The following NRXN3 variants were observed in gnomAD, a reference collection of about 807,000 sequenced individuals.
NRXN3 encodes neurexin 3, also known as neurexin III.
In NRXN3, 32 loss-of-function variants were observed where a neutral mutation model predicts 137.6. That is an observed-to-expected ratio of 0.23 (90% confidence interval 0.18 to 0.31). The LOEUF (loss-of-function observed/expected upper bound fraction) is 0.31. Among genes scored for constraint, NRXN3 ranks in the 10% least tolerant of loss-of-function variants. The pLI is 1.00. For synonymous variants in NRXN3, 798 were observed against 784.5 expected (o/e 1.02, Z -0.29); for missense variants, 1,574 against 2,062.5 (o/e 0.76, Z 4.59).
chr14:79,234,224 C>T (rs1179855091), intron 15 of NRXN3, among the ~76,000 whole-genome samples: 5 of 145,178 alleles, frequency 3.4e-5, no homozygotes, highest in South Asian at 4.4e-4. Flanking sequence ...TCCCAAAATA[C>T]ATTCCCTTAA....
chr14:79,082,690 T>C (rs1242421437), intron 15 of NRXN3, among the ~76,000 whole-genome samples: 1 of 152,128 alleles, frequency 6.6e-6, no homozygotes, highest in Non-Finnish European at 1.5e-5. Context: ...ATGAGTTCTT[T>C]TTCCACCTTA....
intron 10 of NRXN3, among the ~76,000 whole-genome samples, chr14:78,920,731 A>G (rs1481860247): frequency 6.6e-6 from 1 of 152,186 alleles, no homozygotes; most frequent in African/African-American, 2.4e-5. Flanking sequence ...ATAATTCAGT[A>G]GAGCCACTCA....
intron 4 of NRXN3, among the ~76,000 whole-genome samples, chr14:78,307,356 T>C (rs931996791): frequency 6.6e-6 from 1 of 152,142 alleles, no homozygotes; most frequent in African/African-American, 2.4e-5. Context: ...ACCGTTTATT[T>C]TTAATAAATA....
intron 5 of NRXN3, among the ~76,000 whole-genome samples, chr14:78,647,852 A>C: frequency 6.6e-6 from 1 of 152,234 alleles, no homozygotes; most frequent in Non-Finnish European, 1.5e-5. Context: ...GATACATTTG[A>C]ATGGTGGGAT....
chr14:79,362,157 T>C (rs2093707966), intron 15 of NRXN3, among the ~76,000 whole-genome samples: 1 of 151,324 alleles, frequency 6.6e-6, no homozygotes, highest in Admixed American at 6.6e-5. Context: ...TATTTATTTA[T>C]TTTTTATTAT....
chr14:79,749,990 A>G (rs1379022271), intron 19 of NRXN3, among the ~76,000 whole-genome samples: 1 of 152,186 alleles, frequency 6.6e-6, no homozygotes, highest in Admixed American at 6.6e-5. Context: ...ACTGTCAAGA[A>G]TCACTTGCTT....
At chr14:78,410,287 A>G (rs561995083) in intron 4 of NRXN3, among the ~76,000 whole-genome samples, 1 of 152,304 alleles carries the variant, frequency 6.6e-6, no homozygotes, top group East Asian at 1.9e-4. Flanking sequence ...CTTCAATGGA[A>G]GCTTCTTGAG....
chr14:79,569,972 T>C (rs1181702282), intron 16 of NRXN3, among the ~76,000 whole-genome samples: 3 of 152,184 alleles, frequency 2.0e-5, no homozygotes, highest in African/African-American at 7.2e-5. Context: ...CCAGAAGGGA[T>C]ACACCCTTCG....
intron 15 of NRXN3, among the ~76,000 whole-genome samples, chr14:79,134,933 T>C (rs2152977384): frequency 6.6e-6 from 1 of 152,338 alleles, no homozygotes; most frequent in East Asian, 1.9e-4. Flanking sequence ...TTCACTAGTT[T>C]ACCAAATCCC....
intron 14 of NRXN3, among the ~76,000 whole-genome samples, chr14:78,973,147 G>C (rs1233654055): frequency 6.6e-6 from 1 of 152,116 alleles, no homozygotes. Context: ...ATTTTGGGGG[G>C]TACCAAAGAG....
chr14:79,805,385 A>G (rs1438069583), intron 20 of NRXN3, among the ~76,000 whole-genome samples, 195 bp downstream of exon 20: 1 of 152,066 alleles, frequency 6.6e-6, no homozygotes, highest in Non-Finnish European at 1.5e-5. Context: ...CCATGGAAAG[A>G]GCAATAAGAT....
chr14:78,506,131 C>G (rs2095985439), intron 4 of NRXN3, among the ~76,000 whole-genome samples: 1 of 152,188 alleles, frequency 6.6e-6, no homozygotes, highest in East Asian at 1.9e-4. Context: ...ATTTCTCCCT[C>G]CCCTCCAGTC....
intron 10 of NRXN3, among the ~76,000 whole-genome samples, chr14:78,818,239 G>A (rs962252131): frequency 6.6e-6 from 1 of 151,984 alleles, no homozygotes; most frequent in Admixed American, 6.6e-5. Context: ...TGCCAGTACA[G>A]CCTAAAATTT....
At chr14:78,626,712 A>G (rs1276015520) in intron 4 of NRXN3, among the ~76,000 whole-genome samples, 1 of 152,192 alleles carries the variant, frequency 6.6e-6, no homozygotes, top group East Asian at 1.9e-4. Context: ...TCAGAGGGCT[A>G]TCCCTGCCTG....
chr14:79,824,134 GGTTA>G (rs2099282619), intron 20 of NRXN3, among the ~76,000 whole-genome samples: 1 of 152,128 alleles, frequency 6.6e-6, no homozygotes, highest in Non-Finnish European at 1.5e-5. Context: ...TACATCTGCT[GGTTA>G]GATGAAAAGA....
At chr14:78,490,137 T>G (rs2153748628) in intron 4 of NRXN3, among the ~76,000 whole-genome samples, 1 of 152,010 alleles carries the variant, frequency 6.6e-6, no homozygotes, top group Middle Eastern at 3.4e-3. Flanking sequence ...ATGGTCTTGA[T>G]CTCCTGATCT....
At chr14:78,874,569 T>G (rs2099109295) in intron 10 of NRXN3, among the ~76,000 whole-genome samples, 1 of 152,184 alleles carries the variant, frequency 6.6e-6, no homozygotes, top group Admixed American at 6.5e-5. Context: ...GATCCTATTT[T>G]CTTCATCTTT....
intron 8 of NRXN3, among the ~76,000 whole-genome samples, chr14:78,800,663 A>G (rs944921886): frequency 2.0e-5 from 3 of 152,180 alleles, no homozygotes; most frequent in East Asian, 3.8e-4. Context: ...AAGTGCATTT[A>G]TATTACTTTT....
chr14:79,491,652 A>G (rs1237969861), intron 16 of NRXN3, among the ~76,000 whole-genome samples: 1 of 149,784 alleles, frequency 6.7e-6, no homozygotes, highest in Non-Finnish European at 1.5e-5. Flanking sequence ...CTAAAATAAA[A>G]AAGTGTGTGT....
Sources: allele counts gnomAD v4.1 joint callset (sites outside exome capture counted in the v4.1 genomes callset), GRCh38; gene constraint gnomAD v4.1.1; transcripts MANE v1.5; gene names NCBI Gene and HGNC (gene_info 2026-07-23, HGNC 2026-07-21).